Variants in DOCK6 observed in about 807,000 individuals in gnomAD.
The protein encoded by DOCK6 is dedicator of cytokinesis 6.
In DOCK6, 167 loss-of-function variants were observed where a neutral mutation model predicts 230.3. The observed-to-expected ratio is 0.73, with a 90% CI of 0.64 to 0.82. DOCK6 has a LOEUF of 0.82. Among genes scored for constraint, DOCK6 ranks in the 40% least tolerant of loss-of-function variants. DOCK6 has a pLI of 0.00. For synonymous variants in DOCK6, 1,148 were observed against 1,185.0 expected, an observed-to-expected ratio of 0.97 and a Z score of 0.64; for missense variants, 2,598 against 2,825.8, an observed-to-expected ratio of 0.92 and a Z score of 1.83.
At chr19:11,212,423 G>C (rs2079404140) in intron 35 of DOCK6, among the ~76,000 whole-genome samples, 1 of 151,982 alleles carries the variant, frequency 6.6e-6, no homozygotes, top group South Asian at 2.1e-4. Context: ...TGTATTTTTG[G>C]TAGAGACAGG....
At chr19:11,261,364 C>T (rs1411844246) in intron 1 of DOCK6, among the ~76,000 whole-genome samples, 2 of 151,618 alleles carry the variant, frequency 1.3e-5, no homozygotes, top group African/African-American at 4.9e-5. Flanking sequence ...TCCCCCTTCC[C>T]TGTCTTCTTG....
Position 11,226,206 on chromosome 19 carries a change from G to T in DOCK6, c.2955+1131C>A, listed in dbSNP as rs367707960. Among the ~76,000 whole-genome samples the T allele has an allele frequency of 3.6e-4, 55 of 152,236 alleles. No individual in the cohort carries two copies. In the South Asian group the frequency reaches 0.011, roughly 30 times the overall value. On this transcript the variant is annotated intron_variant, in intron 24 of 47. Transcript: ENST00000294618. The stretch of plus-strand genomic sequence containing the variant: ...GCTGAAACTGGTATTGACAGTGAGG[G>T]GTCTGGAGCTGGTGGCTCAGATTCA...
In DOCK6 at chr19:11,223,079, CGTT is replaced by C; in HGVS notation, c.2980_2982del (p.Asn994del). On this transcript the variant is annotated inframe_deletion, in exon 25 of 48. Transcript: ENST00000294618. ...TCACTGAGGAAGAAAGCCAGGCTGGCGTTGAGGTGCTCGGCCAGCTCCACATCC... is the reference window on the plus strand; with the variant it reads ...TCACTGAGGAAGAAAGCCAGGCTGGCGAGGTGCTCGGCCAGCTCCACATCC... 2 of 1,613,616 alleles carry C rather than the reference CGTT, an allele frequency of 1.2e-6. No individual in the cohort carries two copies. The highest frequency in any genetic ancestry group is 3.3e-5 in the Admixed American group (2 of 60,002).
Position 11,235,741 on chromosome 19 carries a change from G to T in DOCK6, c.2411C>A (p.Ala804Asp). 6.3e-7 allele frequency: 1 copy of T among 1,594,966 alleles called. No individual in the cohort carries two copies. Among genetic ancestry groups the T allele is most frequent in the South Asian group, 1.1e-5 (1 of 87,562 alleles). Residue 804 changes from alanine (A) to aspartate (D), a missense_variant, in exon 21 of 48, where the codon GCC becomes GAC. Physicochemically the swap from Ala to Asp is moderately radical, Grantham distance 126. Coordinates refer to ENST00000294618, the MANE Select transcript of DOCK6 (RefSeq NM_020812.4). ...GACTACATGGGCCATTGCTTCAAAG[G>T]CTCCACGGCCCAGGTTCACTGCAGG... ...SGQIVNLGRG[A>D]FEAMAHVVSL... is the part of the protein sequence containing the mutation.
chr19:11,202,102 C>T lies in DOCK6; in HGVS notation c.5475G>A (p.Val1825=). Residue 1825 remains valine (V), a synonymous_variant, in exon 44 of 48, where the codon GTG becomes GTA. Coordinates refer to ENST00000294618, the MANE Select transcript of DOCK6 (RefSeq NM_020812.4). This position sits in a 1 kb window ranked among gnomAD's most constrained non-coding sequence, Gnocchi z 5.3. ...SQKAYIQITY[V]EPYFDTYELK... ...GCTCGTAGGTATCAAAGTACGGTTC[C>T]ACATACGTGATCTGGATGTAGGCCT... is the stretch of plus-strand genomic sequence containing the variant. 1 of 1,613,992 alleles carries T rather than the reference C, an allele frequency of 6.2e-7. No homozygotes were observed. The highest frequency in any genetic ancestry group is 8.5e-7 in the Non-Finnish European group (1 of 1,179,902).
chr19:11,229,201 C>T, intron 22 of DOCK6, 166 bp from the exon 23 acceptor site: 5 of 1,282,006 alleles, frequency 3.9e-6, no homozygotes, highest in South Asian at 1.6e-5. Context: ...TCCCTGGGCT[C>T]GCCAGACCCC....
At position 11,242,074 on chromosome 19, in the gene DOCK6, G is replaced by C; in HGVS notation, c.1614C>G (p.Arg538=). Reference sequence around the variant, plus strand: ...AGCTGGTATGGGGGGCATAGACTTCGCGGGCGGGGAACTCCAGAATCTCCT... The same window carrying C: ...AGCTGGTATGGGGGGCATAGACTTCCCGGGCGGGGAACTCCAGAATCTCCT... ...PTKEILEFPA[R]EVYAPHTSYR... is the part of the protein sequence containing the mutation. Residue 538 remains arginine, a synonymous_variant, in exon 14 of 48, where the codon CGC becomes CGG. Transcript: ENST00000294618. 1.3e-6 allele frequency: 2 copies of C among 1,550,954 alleles called. No homozygotes were observed. The highest frequency in any genetic ancestry group is 1.7e-6 in the Non-Finnish European group (2 of 1,156,222).
intron 32 of DOCK6, 75 bp from the exon 33 acceptor site, chr19:11,214,724 C>G: frequency 6.9e-7 from 1 of 1,445,374 alleles, no homozygotes; most frequent in Non-Finnish European, 9.6e-7. Context: ...TCTCCTTCCC[C>G]TGGCAGCCCA....
chr19:11,202,532 C>T lies in DOCK6; in HGVS notation c.5362-49G>A, dbSNP rs374428804. ...GGCCACCCAGGGACAGCCCCTACTC[C>T]AGCCCCAAGGCAGCCCCATGCCCCG... On this transcript the variant is annotated intron_variant, in intron 42 of 47. Transcript: ENST00000294618. This position sits in a 1 kb window ranked among gnomAD's most constrained non-coding sequence, Gnocchi z 5.3. 6 of 1,613,634 alleles carry T rather than the reference C, an allele frequency of 3.7e-6. No individual in the cohort carries two copies. The highest frequency in any genetic ancestry group is 5.1e-6 in the Non-Finnish European group (6 of 1,179,778).
chr19:11,240,096 G>C, intron 14 of DOCK6: 1 of 1,551,216 alleles, frequency 6.4e-7, no homozygotes, highest in Non-Finnish European at 8.7e-7. Context: ...ACAAAGATGA[G>C]TTGGACATCC....
At chr19:11,237,887 C>T (rs2079876892) in intron 16 of DOCK6, 108 bp from the exon 17 acceptor site, 1 of 1,420,550 alleles carries the variant, frequency 7.0e-7, no homozygotes, top group African/African-American at 1.4e-5. Context: ...ACTGTCTCTG[C>T]TGTCTGCCTC....
intron 28 of DOCK6, 57 bp downstream of exon 28, chr19:11,221,794 G>A: frequency 6.2e-7 from 1 of 1,611,658 alleles, no homozygotes; most frequent in Non-Finnish European, 8.5e-7. Context: ...ACTATCCTGT[G>A]CCTTCTGTGA....
intron 28 of DOCK6, among the ~76,000 whole-genome samples, chr19:11,218,160 T>A (rs771879220): frequency 1.3e-5 from 2 of 152,106 alleles, no homozygotes; most frequent in Admixed American, 6.6e-5. Context: ...TATTTTATTT[T>A]TTTTTGGATA....
At chr19:11,239,995 A>G in intron 14 of DOCK6, 1 of 1,550,702 alleles carries the variant, frequency 6.4e-7, no homozygotes, top group African/African-American at 1.4e-5. Flanking sequence ...GTTCGTGTCT[A>G]GGGTAACCAA....
In DOCK6 at chr19:11,223,251, TC is replaced by T. The variant is rs1167478225; in HGVS notation, c.2956-146del. The T allele has an allele frequency of 7.0e-6, 5 of 712,818 alleles. No individual in the cohort carries two copies. In the Admixed American group the frequency reaches 8.6e-5, roughly 12 times the overall value. The allele number at this position is 712,818 out of a possible 1,614,324, so 44.2% of individuals were successfully genotyped here. ...TGTGGGCTGTGGTGACTCTGGGACTTCCTGGTTGTCCTCCTCAGGCTGCCTT... is the reference window on the plus strand; with the variant it reads ...TGTGGGCTGTGGTGACTCTGGGACTTCTGGTTGTCCTCCTCAGGCTGCCTT... On this transcript the variant is annotated intron_variant, in intron 24 of 47. Coordinates refer to ENST00000294618, the MANE Select transcript of DOCK6 (RefSeq NM_020812.4).
At chr19:11,210,474 C>T (rs1227026847) in intron 37 of DOCK6, among the ~76,000 whole-genome samples, 1 of 145,004 alleles carries the variant, frequency 6.9e-6, no homozygotes, top group African/African-American at 2.6e-5. Flanking sequence ...CTTCACCTGT[C>T]CACCCCCTCA....
chr19:11,204,048 G>A (rs972070104), intron 41 of DOCK6, 33 bp downstream of exon 41: 1 of 1,549,306 alleles, frequency 6.5e-7, no homozygotes, highest in Non-Finnish European at 8.7e-7. Context: ...GGGGGTCCCA[G>A]AGGCAGGTGG....
At position 11,222,917 on chromosome 19, in the gene DOCK6, G is replaced by A. The variant is rs541018471; in HGVS notation, c.3070-12C>T. On this transcript the variant is annotated splice_polypyrimidine_tract_variant and intron_variant, in intron 25 of 47. Transcript: ENST00000294618. The surrounding 1 kb of genome is among the most constrained non-coding windows in gnomAD (Gnocchi z 4.0). ...AGCCGCGTGGCCACCTGCAGGAGAGGGGTGGCCATCAGTGATGTCAACATT... is the reference window on the plus strand; with the variant it reads ...AGCCGCGTGGCCACCTGCAGGAGAGAGGTGGCCATCAGTGATGTCAACATT... 24 of 1,611,438 alleles carry A rather than the reference G, an allele frequency of 1.5e-5. No homozygotes were observed. The South Asian group carries it at 2.2e-4, about 15-fold the overall frequency.
Position 11,199,451 on chromosome 19 carries a change from G to A in DOCK6, c.*46C>T, listed in dbSNP as rs761374924. 33 of 1,556,544 alleles carry A rather than the reference G, an allele frequency of 2.1e-5. No individual in the cohort carries two copies. The East Asian group carries it at 7.5e-4, about 35-fold the overall frequency. On this transcript the variant is annotated 3_prime_UTR_variant, in exon 48 of 48. Coordinates refer to ENST00000294618, the MANE Select transcript of DOCK6 (RefSeq NM_020812.4). ...CTCCCCTCGCAGCACAGACAGCTGA[G>A]GCCCGGGTGCTGGTTCCTCTAGGTA...
Sources: allele counts gnomAD v4.1 joint callset (sites outside exome capture counted in the v4.1 genomes callset), GRCh38; gene constraint gnomAD v4.1.1; non-coding constraint Gnocchi (gnomAD v3.1); transcripts MANE v1.5; gene names NCBI Gene and HGNC (gene_info 2026-07-23, HGNC 2026-07-21).